Variants in GRM8 observed in about 807,000 individuals in gnomAD.
GRM8 encodes the protein glutamate metabotropic receptor 8, also known as metabotropic glutamate receptor 8.
In GRM8, 47 loss-of-function variants were observed where a neutral mutation model predicts 87.2. The ratio of observed to expected loss-of-function variants is 0.54; its 90% CI spans 0.43 to 0.69. The LOEUF (loss-of-function observed/expected upper bound fraction) is 0.69, where lower values mean the gene tolerates loss of function less well. GRM8 is among the 30% of genes least tolerant of loss of function. The pLI is 0.00. For synonymous variants in GRM8, 396 were observed against 404.5 expected, an observed-to-expected ratio of 0.98 and a Z score of 0.25; for missense variants, 1,019 against 1,139.2, an observed-to-expected ratio of 0.89 and a Z score of 1.52.
chr7:127,037,811 G>A (rs928585118), intron 3 of GRM8, among the ~76,000 whole-genome samples: 1 of 150,086 alleles, frequency 6.7e-6, no homozygotes, highest in Non-Finnish European at 1.5e-5. Flanking sequence ...CCAGACATGT[G>A]CATGCACGTG....
At chr7:126,504,944 A>G (rs920502458) in intron 9 of GRM8, among the ~76,000 whole-genome samples, 3 of 152,066 alleles carry the variant, frequency 2.0e-5, no homozygotes, top group Admixed American at 2.0e-4. Flanking sequence ...ACAAGTTAAC[A>G]AGCATGAATA....
chr7:127,189,411 T>C (rs1400179827), intron 2 of GRM8, among the ~76,000 whole-genome samples: 1 of 152,174 alleles, frequency 6.6e-6, no homozygotes, highest in Non-Finnish European at 1.5e-5. Flanking sequence ...CTCATTGCCC[T>C]GTACAGCAGG....
chr7:126,791,087 T>C (rs1366688777), intron 6 of GRM8, among the ~76,000 whole-genome samples: 2 of 152,194 alleles, frequency 1.3e-5, no homozygotes, highest in African/African-American at 2.4e-5. Flanking sequence ...GCCTAGCTTA[T>C]GAATAGAGTG....
chr7:126,894,629 T>A (rs1489900489), intron 6 of GRM8, among the ~76,000 whole-genome samples: 2 of 151,968 alleles, frequency 1.3e-5, no homozygotes, highest in Non-Finnish European at 2.9e-5. Context: ...CCCTCAGAAG[T>A]CAGGCGGTTC....
intron 3 of GRM8, among the ~76,000 whole-genome samples, chr7:127,002,357 C>A (rs1377786747): frequency 6.6e-6 from 1 of 151,600 alleles, no homozygotes; most frequent in Non-Finnish European, 1.5e-5. Flanking sequence ...TAAGGATAAG[C>A]AGAATACCAG....
intron 6 of GRM8, among the ~76,000 whole-genome samples, chr7:126,826,728 T>C (rs376986477): frequency 2.0e-5 from 3 of 152,116 alleles, no homozygotes; most frequent in Admixed American, 2.0e-4. Flanking sequence ...TAATTAGATC[T>C]CATTTGTCAA....
At chr7:126,861,674 T>A (rs978673386) in intron 6 of GRM8, among the ~76,000 whole-genome samples, 2 of 152,026 alleles carry the variant, frequency 1.3e-5, no homozygotes, top group African/African-American at 4.8e-5. Flanking sequence ...ATTTTCTTAT[T>A]TATTGGCCAT....
intron 7 of GRM8, among the ~76,000 whole-genome samples, chr7:126,666,647 A>G (rs1183800343): frequency 6.6e-6 from 1 of 152,142 alleles, no homozygotes; most frequent in Non-Finnish European, 1.5e-5. Flanking sequence ...ACTGAGAACC[A>G]TACAAAAAAA....
chr7:126,567,332 C>T (rs1228743026), intron 8 of GRM8, among the ~76,000 whole-genome samples: 1 of 150,512 alleles, frequency 6.6e-6, no homozygotes, highest in African/African-American at 2.5e-5. Flanking sequence ...ACCGCATTTT[C>T]TCACTCATAG....
chr7:127,242,677 G>A lies in GRM8; in HGVS notation c.510+18C>T, dbSNP rs1221654206. On this transcript the variant is annotated intron_variant, in intron 2 of 10. Transcript: ENST00000339582. Reference sequence around the variant, plus strand: ...ATTGTTCTTTCACAATGGTCAGAAAGACAATGCCTTTACCTACCTTAAAAA... The same window carrying A: ...ATTGTTCTTTCACAATGGTCAGAAAAACAATGCCTTTACCTACCTTAAAAA... The A allele has an allele frequency of 6.2e-7, 1 of 1,603,562 alleles. No individual in the cohort carries two copies. The highest frequency in any genetic ancestry group is 2.2e-5 in the East Asian group (1 of 44,846).
intron 3 of GRM8, among the ~76,000 whole-genome samples, chr7:126,975,887 C>T (rs1810936424): frequency 1.3e-5 from 2 of 152,132 alleles, no homozygotes; most frequent in Admixed American, 6.5e-5. Flanking sequence ...ATTTTAACTC[C>T]TGCCTACCTC....
At chr7:126,904,925 A>T (rs546483543) in intron 3 of GRM8, among the ~76,000 whole-genome samples, 1 of 152,346 alleles carries the variant, frequency 6.6e-6, no homozygotes, top group African/African-American at 2.4e-5. Context: ...TTTTGTGGAT[A>T]TAGCTAAGAA....
intron 3 of GRM8, among the ~76,000 whole-genome samples, chr7:126,917,143 T>C (rs1430198777): frequency 1.3e-5 from 2 of 152,066 alleles, no homozygotes; most frequent in African/African-American, 4.8e-5. Flanking sequence ...GCCTGGCTAA[T>C]ATTTTTGTTT....
intron 7 of GRM8, among the ~76,000 whole-genome samples, chr7:126,643,943 A>G (rs1378692182): frequency 6.6e-6 from 1 of 152,268 alleles, no homozygotes; most frequent in African/African-American, 2.4e-5. Flanking sequence ...GCTTAGACTG[A>G]ACTTTTGATC....
At chr7:126,999,862 C>T (rs1301882684) in intron 3 of GRM8, among the ~76,000 whole-genome samples, 1 of 151,594 alleles carries the variant, frequency 6.6e-6, no homozygotes. Context: ...AGTGACTATG[C>T]GATCTAGAAA....
intron 7 of GRM8, among the ~76,000 whole-genome samples, chr7:126,617,668 C>T (rs1799657114): frequency 1.3e-5 from 2 of 152,180 alleles, no homozygotes; most frequent in Non-Finnish European, 2.9e-5. Context: ...TGATAAGCAA[C>T]TTCAGCAAAG....
chr7:126,488,863 G>A (rs1001335513), intron 9 of GRM8, among the ~76,000 whole-genome samples: 1 of 151,798 alleles, frequency 6.6e-6, no homozygotes, highest in Admixed American at 6.6e-5. Context: ...TAATTTTTTA[G>A]TGTAGGTCAC....
chr7:126,916,414 G>A (rs13309093), intron 3 of GRM8, among the ~76,000 whole-genome samples: 1 of 152,170 alleles, frequency 6.6e-6, no homozygotes, highest in Admixed American at 6.5e-5. Context: ...GCATATCCAT[G>A]TTTTAAAACC....
chr7:126,621,719 C>A (rs1210849644), intron 7 of GRM8, among the ~76,000 whole-genome samples: 1 of 144,054 alleles, frequency 6.9e-6, no homozygotes, highest in Non-Finnish European at 1.6e-5. Context: ...ATGCCTGGCC[C>A]CAATCACCAT....
Sources: gnomAD v4.1 joint callset for allele counts (sites outside exome capture counted in the v4.1 genomes callset) on GRCh38, gnomAD v4.1.1 for gene constraint, MANE v1.5 for transcripts, NCBI Gene and HGNC (gene_info 2026-07-23, HGNC 2026-07-21) for gene names.